FREM2: variants seen among roughly 807,000 people sequenced by gnomAD.
FREM2 encodes FRAS1-related extracellular matrix protein 2.
A neutral mutation model predicts 219.9 loss-of-function variants in FREM2; 119 were observed. That is an observed-to-expected ratio of 0.54 (90% CI 0.47 to 0.63). The LOEUF (loss-of-function observed/expected upper bound fraction) is 0.63, where lower values mean the gene tolerates loss of function less well. Ranked by LOEUF, FREM2 falls within the 30% of genes least tolerant of loss-of-function variation. The pLI is 0.00. For synonymous variants in FREM2, 1,562 were observed against 1,522.8 expected (o/e 1.03, Z -0.60); for missense variants, 4,030 against 3,993.6 (o/e 1.01, Z -0.25).
chr13:38,687,608 G>A lies in FREM2; in HGVS notation c.264G>A (p.Trp88Ter), dbSNP rs936377898. The change falls in exon 1 of 24, where the codon TGG becomes TGA. Residue 88 changes from tryptophan (W) to a stop codon, truncating the protein, a stop_gained. Transcript: ENST00000280481. LOFTEE classifies it high-confidence loss of function. ...GLRVPFGREV[W>*]LDPLHDLVLQ... Reference sequence around the variant, plus strand: ...GGGTGCCTTTCGGCCGTGAAGTCTGGCTGGATCCCCTGCATGACCTGGTGT... The same window carrying A: ...GGGTGCCTTTCGGCCGTGAAGTCTGACTGGATCCCCTGCATGACCTGGTGT... The A allele has an allele frequency of 1.3e-5, 21 of 1,609,528 alleles. No individual in the cohort carries two copies. Among genetic ancestry groups the A allele is most frequent in the Non-Finnish European group, 1.6e-5 (19 of 1,178,268 alleles).
intron 2 of FREM2, among the ~76,000 whole-genome samples, chr13:38,705,128 A>G (rs1870488485): frequency 6.6e-6 from 1 of 152,090 alleles, no homozygotes; most frequent in Non-Finnish European, 1.5e-5. Flanking sequence ...GGTGTAGAGG[A>G]TCTATAGGAG....
Position 38,734,257 on chromosome 13 carries a change from C to G in FREM2, c.5264-30047C>G, listed in dbSNP as rs190539140. 9.2e-5 allele frequency among the ~76,000 whole-genome samples: 14 copies of G among 152,174 alleles called. No individual in the cohort carries two copies. The South Asian group carries it at 2.9e-3, about 32-fold the overall frequency. On this transcript the variant is annotated intron_variant, in intron 2 of 23. Coordinates refer to ENST00000280481, the MANE Select transcript of FREM2 (RefSeq NM_207361.6). ...GTGTTACCCTATCTCATTCCTCCCCCGCAAAAATCACATGTTTACTAAGAT... is the reference window on the plus strand; with the variant it reads ...GTGTTACCCTATCTCATTCCTCCCCGGCAAAAATCACATGTTTACTAAGAT...
chr13:38,828,141 C>G (rs1876365811), intron 6 of FREM2, among the ~76,000 whole-genome samples: 1 of 152,054 alleles, frequency 6.6e-6, no homozygotes, highest in African/African-American at 2.4e-5. Context: ...TAAAGTGGCA[C>G]AATATTCCAA....
At chr13:38,869,182 TACC>T (rs1878073790) in intron 16 of FREM2, among the ~76,000 whole-genome samples, 1 of 152,246 alleles carries the variant, frequency 6.6e-6, no homozygotes, top group South Asian at 2.1e-4. Context: ...TAGCTAAAGC[TACC>T]ACCATAAAAT....
At chr13:38,767,546 A>G (rs1002165027) in intron 3 of FREM2, among the ~76,000 whole-genome samples, 1 of 152,242 alleles carries the variant, frequency 6.6e-6, no homozygotes, top group African/African-American at 2.4e-5. Flanking sequence ...AACAAAACAG[A>G]AAAGTGAGCA....
intron 2 of FREM2, among the ~76,000 whole-genome samples, chr13:38,732,327 A>G (rs2496450): frequency 0.78 from 118,535 of 152,116 alleles, 46,314 homozygotes; most frequent in Middle Eastern, 0.8. Context: ...ATTGGACTTC[A>G]CTAGTCTATG....
At chr13:38,751,698 C>T (rs1191478602) in intron 2 of FREM2, among the ~76,000 whole-genome samples, 1 of 152,170 alleles carries the variant, frequency 6.6e-6, no homozygotes, top group Non-Finnish European at 1.5e-5. Context: ...CTACATTTCA[C>T]AGAAAGGACT....
chr13:38,729,281 T>C (rs2138118109), intron 2 of FREM2, among the ~76,000 whole-genome samples: 1 of 152,314 alleles, frequency 6.6e-6, no homozygotes, highest in South Asian at 2.1e-4. Flanking sequence ...ATGATGATTT[T>C]CTGTGTGTGT....
chr13:38,759,637 G>A (rs1399993227), intron 2 of FREM2, among the ~76,000 whole-genome samples: 1 of 152,194 alleles, frequency 6.6e-6, no homozygotes, highest in Non-Finnish European at 1.5e-5. Flanking sequence ...TATGACTTGA[G>A]TCATGGACTT....
chr13:38,846,589 C>T lies in FREM2; in HGVS notation c.6036C>T (p.Phe2012=), dbSNP rs115455037. The T allele has an allele frequency of 1.5e-3, 2,395 of 1,613,550 alleles. 26 individuals carry two copies. The African/African-American group carries it at 0.027, about 18-fold the overall frequency. ...TCTTAACAGAACCCATCTTTTACTT[C>T]GGTGATGTGGAATACTCTGTGGATG... The part of the protein sequence containing the change: ...PDKDDEPIFY[F]GDVEYSVDES... The change falls in exon 7 of 24, where the codon TTC becomes TTT. Residue 2012 remains phenylalanine, a synonymous_variant. Coordinates refer to ENST00000280481, the MANE Select transcript of FREM2 (RefSeq NM_207361.6).
In FREM2 at chr13:38,878,304, T is replaced by C. The variant is rs188920480; in HGVS notation, c.8842T>C (p.Tyr2948His). 27 of 1,613,318 alleles carry C rather than the reference T, an allele frequency of 1.7e-5. No homozygotes were observed. The Middle Eastern group carries it at 9.9e-4, about 59-fold the overall frequency. Residue 2948 changes from tyrosine (Y) to histidine (H), a missense_variant, in exon 22 of 24, where the codon TAT (tyrosine) becomes CAT (histidine). Transcript: ENST00000280481. ...CTTAGCCGACTCTCCTTCACTCTTA[T>C]ATAGATTTAAAATTGTGGTAAGTGC... ...GCLADSPSLL[Y>H]RFKIVDKAQP...
At chr13:38,802,631 A>G (rs1875061061) in intron 6 of FREM2, among the ~76,000 whole-genome samples, 1 of 152,112 alleles carries the variant, frequency 6.6e-6, no homozygotes, top group South Asian at 2.1e-4. Flanking sequence ...CCTCCTTGGC[A>G]TGGTAGCAGC....
intron 2 of FREM2, among the ~76,000 whole-genome samples, chr13:38,709,986 T>TACACACAC (rs59108347): frequency 2.5e-4 from 33 of 130,414 alleles, no homozygotes; most frequent in African/African-American, 8.8e-4. Flanking sequence ...TAACTAAAAA[T>TACACACAC]ACACACACAC....
At chr13:38,799,726 CTCTT>C (rs1279338734) in intron 6 of FREM2, among the ~76,000 whole-genome samples, 1 of 151,596 alleles carries the variant, frequency 6.6e-6, no homozygotes, top group Non-Finnish European at 1.5e-5. Context: ...GACCTTCTTT[CTCTT>C]TCTTTCTTTC....
chr13:38,850,916 G>C, intron 9 of FREM2, 28 bp from the exon 10 acceptor site: 2 of 1,607,722 alleles, frequency 1.2e-6, no homozygotes, highest in Non-Finnish European at 1.7e-6. Context: ...TATGGGATGT[G>C]ATTGACCTGC....
At position 38,687,625 on chromosome 13, in the gene FREM2, A is replaced by T; in HGVS notation, c.281A>T (p.Asp94Val). 1 of 1,609,254 alleles carries T rather than the reference A, an allele frequency of 6.2e-7. No homozygotes were observed. Among genetic ancestry groups the T allele is most frequent in the South Asian group, 1.1e-5 (1 of 90,450 alleles). The change falls in exon 1 of 24, where the codon GAC becomes GTC. Residue 94 changes from aspartate to valine, a missense_variant. By Grantham distance (152) the Asp-to-Val change is radical. Transcript: ENST00000280481. ...GREVWLDPLHDLVLQVQPGDR... is the reference protein window; with the variant it reads ...GREVWLDPLHVLVLQVQPGDR... ...GAAGTCTGGCTGGATCCCCTGCATG[A>T]CCTGGTGTTGCAGGTGCAGCCCGGG...
chr13:38,718,574 G>A (rs925484486), intron 2 of FREM2, among the ~76,000 whole-genome samples: 6 of 152,134 alleles, frequency 3.9e-5, no homozygotes, highest in Non-Finnish European at 8.8e-5. Flanking sequence ...ATCCTCCAGC[G>A]ATAAGCTGTA....
chr13:38,706,439 T>A (rs1184163428), intron 2 of FREM2, among the ~76,000 whole-genome samples: 1 of 152,216 alleles, frequency 6.6e-6, no homozygotes, highest in Admixed American at 6.5e-5. Flanking sequence ...TAAATAAATG[T>A]ACCTTTGAGA....
At position 38,689,587 on chromosome 13, in the gene FREM2, A is replaced by G; in HGVS notation, c.2243A>G (p.Asp748Gly). 2 of 1,612,936 alleles carry G rather than the reference A, an allele frequency of 1.2e-6. No individual in the cohort carries two copies. The highest frequency in any genetic ancestry group is 1.7e-6 in the Non-Finnish European group (2 of 1,179,364). The change falls in exon 1 of 24, where the codon GAC (aspartate) becomes GGC (glycine). Residue 748 changes from aspartate (D) to glycine (G), a missense_variant. This residue lies in a region of FREM2 where 3,102 missense variants were observed against 2,950.7 expected (regional missense o/e 1.05). Transcript: ENST00000280481. ...LRYTVTQPPT[D>G]TDENHLPAPL... Reference sequence around the variant, plus strand: ...TACACAGTGACTCAGCCCCCCACAGACACAGACGAAAATCACCTGCCAGCC... The same window carrying G: ...TACACAGTGACTCAGCCCCCCACAGGCACAGACGAAAATCACCTGCCAGCC...
Sources: allele counts gnomAD v4.1 joint callset (sites outside exome capture counted in the v4.1 genomes callset), GRCh38; gene constraint gnomAD v4.1.1; regional missense constraint gnomAD v4.1.1; transcripts MANE v1.5; gene names NCBI Gene and HGNC (gene_info 2026-07-23, HGNC 2026-07-21).